Variants in CDK2 observed in about 807,000 individuals in gnomAD.
CDK2 encodes the protein cyclin-dependent kinase 2.
In CDK2, 8 loss-of-function variants were observed where a neutral mutation model predicts 35.0. The observed-to-expected ratio is 0.23, with a 90% CI of 0.13 to 0.41. The LOEUF is 0.41. Ranked by LOEUF, CDK2 falls within the 10% of genes least tolerant of loss-of-function variation. The pLI is 1.00. For missense variants in CDK2, 201 were observed against 367.1 expected (o/e 0.55, Z 3.70); for synonymous variants, 134 against 137.7 (o/e 0.97, Z 0.19).
chr12:55,968,939 C>A lies in CDK2; in HGVS notation c.477C>A (p.Tyr159Ter). The A allele has an allele frequency of 1.3e-6, 2 of 1,597,830 alleles. No individual in the cohort carries two copies. The highest frequency in any genetic ancestry group is 8.5e-7 in the Non-Finnish European group (1 of 1,173,206). ...ARAFGVPVRT[Y>*]THEVVTLWYR... ...CTTTTGGAGTCCCTGTTCGTACTTA[C>A]ACCCATGAGGTGAGTCCCTTTATGT... Residue 159 changes from tyrosine to a stop codon, truncating the protein, a stop_gained, in exon 4 of 7, where the codon TAC becomes TAA. Coordinates refer to ENST00000266970, the MANE Select transcript of CDK2 (RefSeq NM_001798.5). LOFTEE classifies it high-confidence loss of function.
At chr12:55,969,606 C>G in intron 5 of CDK2, 30 bp downstream of exon 5, 1 of 1,296,336 alleles carries the variant, frequency 7.7e-7, no homozygotes, top group Admixed American at 1.8e-5. Flanking sequence ...TTCCACCCAG[C>G]CCCCTCCCTC....
At chr12:55,971,268 TC>T (rs1565782142) in intron 6 of CDK2, 21 bp downstream of exon 6, 24 of 1,607,854 alleles carry the variant, frequency 1.5e-5, no homozygotes, top group Non-Finnish European at 2.0e-5. Context: ...GCACCTGTTT[TC>T]CCTCATTCAT....
At chr12:55,970,998 C>T (rs928725760) in intron 5 of CDK2, 46 bp from the exon 6 acceptor site, 1 of 1,548,470 alleles carries the variant, frequency 6.5e-7, no homozygotes, top group African/African-American at 1.4e-5. Flanking sequence ...AGAGTTTTGA[C>T]TGACGTCAAC....
Position 55,972,635 on chromosome 12 carries a change from A to T in CDK2, c.*1010A>T, listed in dbSNP as rs868228798. On this transcript the variant is annotated 3_prime_UTR_variant, in exon 7 of 7. Transcript: ENST00000266970. ...AGTGGGTGGATTTGTTGCCATGTGC[A>T]CCTTGGGGTTTTGTAATGACAGTGC... The T allele has an allele frequency of 1.1e-4, 14 of 132,010 alleles. No individual in the cohort carries two copies. The South Asian group carries it at 2.1e-3, about 20-fold the overall frequency. The allele number at this position is 132,010 out of a possible 1,614,324, so 8.2% of individuals were successfully genotyped here. A position where few individuals can be genotyped will look rare whatever the true frequency, so the allele number is the denominator to read the frequency against.
chr12:55,969,421 G>A (rs762137473), intron 4 of CDK2, 54 bp from the exon 5 acceptor site: 2 of 922,906 alleles, frequency 2.2e-6, no homozygotes, highest in African/African-American at 1.7e-5. Context: ...ACTGAGATGC[G>A]GGAATTTCCA....
chr12:55,971,097 G>A lies in CDK2; in HGVS notation c.642G>A (p.Arg214=), dbSNP rs1313837631. The A allele has an allele frequency of 6.2e-7, 1 of 1,614,138 alleles. No individual in the cohort carries two copies. Among genetic ancestry groups the A allele is most frequent in the East Asian group, 2.2e-5 (1 of 44,886 alleles). The change falls in exon 6 of 7, where the codon CGG becomes CGA. Residue 214 remains arginine (R), a synonymous_variant. Coordinates refer to ENST00000266970, the MANE Select transcript of CDK2 (RefSeq NM_001798.5). ...ATTCTGAGATTGACCAGCTCTTCCG[G>A]ATCTTTCGGACTCTGGGGACCCCAG... ...PGDSEIDQLF[R]IFRTLGTPDE...
Position 55,971,607 on chromosome 12 carries a change from A to G in CDK2, c.879A>G (p.Val293=). The G allele has an allele frequency of 6.2e-7, 1 of 1,613,488 alleles. No homozygotes were observed. Among genetic ancestry groups the G allele is most frequent in the South Asian group, 1.1e-5 (1 of 91,078 alleles). The change falls in exon 7 of 7, where the codon GTA becomes GTG. Residue 293 remains valine (V), a synonymous_variant. Coordinates refer to ENST00000266970, the MANE Select transcript of CDK2 (RefSeq NM_001798.5). ...TCTTCCAGGATGTGACCAAGCCAGT[A>G]CCCCATCTTCGACTCTGATAGCCTT... The part of the protein sequence containing the change: ...HPFFQDVTKP[V]PHLRL
chr12:55,971,437 C>CT, intron 6 of CDK2, 84 bp from the exon 7 acceptor site: 1 of 1,200,466 alleles, frequency 8.3e-7, no homozygotes. Flanking sequence ...AGAAGGAGTT[C>CT]TGGTTTCCTG....
At chr12:55,968,202 G>T (rs1889384769) in intron 3 of CDK2, 33 bp downstream of exon 3, 2 of 1,611,688 alleles carry the variant, frequency 1.2e-6, no homozygotes, top group Non-Finnish European at 8.5e-7. Flanking sequence ...CTCATCATGG[G>T]CATGTCTTGG....
intron 1 of CDK2, chr12:55,967,371 T>G (rs1889351857): frequency 1.9e-6 from 1 of 529,814 alleles, no homozygotes; most frequent in African/African-American, 1.9e-5. Flanking sequence ...TGCCCCCAAA[T>G]GTGCGACTAC....
chr12:55,967,305 A>T, intron 1 of CDK2, 181 bp downstream of exon 1: 1 of 587,316 alleles, frequency 1.7e-6, no homozygotes, highest in East Asian at 2.8e-5. Context: ...CCCTGGGGAG[A>T]GTATAGGGTG....
At chr12:55,971,378 C>A in intron 6 of CDK2, 131 bp downstream of exon 6, 1 of 1,083,984 alleles carries the variant, frequency 9.2e-7, no homozygotes, top group Non-Finnish European at 1.4e-6. Flanking sequence ...TCCCTGTTGG[C>A]ACACTGATTC....
At chr12:55,969,428 T>A in intron 4 of CDK2, 47 bp from the exon 5 acceptor site, 1 of 1,046,906 alleles carries the variant, frequency 9.6e-7, no homozygotes, top group Non-Finnish European at 1.5e-6. Flanking sequence ...TGCGGGAATT[T>A]CCATACCCTA....
chr12:55,968,090 T>G lies in CDK2; in HGVS notation c.236T>G (p.Val79Gly), dbSNP rs369617221. 1.2e-5 allele frequency: 20 copies of G among 1,613,946 alleles called. No individual in the cohort carries two copies. Among genetic ancestry groups the G allele is most frequent in the African/African-American group, 6.7e-5 (5 of 74,892 alleles). The change falls in exon 3 of 7, where the codon GTT (valine) becomes GGT (glycine). Residue 79 changes from valine (V) to glycine (G), a missense_variant. Coordinates refer to ENST00000266970, the MANE Select transcript of CDK2 (RefSeq NM_001798.5). ...VIHTENKLYL[V>G]FEFLHQDLKK... The stretch of plus-strand genomic sequence containing the variant: ...CACACAGAAAATAAACTCTACCTGG[T>G]TTTTGAATTTCTGCACCAAGATCTC...
intron 1 of CDK2, 90 bp from the exon 2 acceptor site, chr12:55,967,767 G>C: frequency 9.5e-7 from 1 of 1,053,194 alleles, no homozygotes; most frequent in Non-Finnish European, 1.5e-6. Flanking sequence ...GTGCTGGGTG[G>C]TGTCTCCTTG....
rs1889323724 is a variant in CDK2 at position 55,966,831 on chromosome 12, T to C, written c.-178T>C. Reference sequence around the variant, plus strand: ...GGGAACTCGGTGGGAGGCGGCAACATTGTTTCAAGTTGGCCAAATTGACAA... The same window carrying C: ...GGGAACTCGGTGGGAGGCGGCAACACTGTTTCAAGTTGGCCAAATTGACAA... On this transcript the variant is annotated 5_prime_UTR_variant, in exon 1 of 7. Transcript: ENST00000266970. The C allele has an allele frequency of 2.3e-6, 2 of 877,378 alleles. No homozygotes were observed. The highest frequency in any genetic ancestry group is 3.1e-5 in the Admixed American group (1 of 32,214). 54.3% of individuals were successfully genotyped at this position (877,378 alleles called of 1,614,324 possible).
intron 1 of CDK2, 158 bp downstream of exon 1, chr12:55,967,282 GTATACT>G: frequency 1.6e-6 from 1 of 634,912 alleles, no homozygotes; most frequent in Non-Finnish European, 2.8e-6. Flanking sequence ...AAGGTGAAGA[GTATACT>G]TATACTCCCT....
rs1339741740 is a variant in CDK2, at chr12:55,966,975, C to T, written c.-34C>T. ...TCTGCAGGGTTCCCAGGCCCCCGCT[C>T]CAGGGCCGGGCTGACCCGACTCGCT... On this transcript the variant is annotated 5_prime_UTR_variant, in exon 1 of 7. Coordinates refer to ENST00000266970, the MANE Select transcript of CDK2 (RefSeq NM_001798.5). 1.3e-6 allele frequency: 2 copies of T among 1,552,518 alleles called. No homozygotes were observed. The highest frequency in any genetic ancestry group is 2.7e-5 in the African/African-American group (2 of 73,728).
chr12:55,968,380 G>A (rs1592782932), intron 3 of CDK2: 3 of 556,574 alleles, frequency 5.4e-6, no homozygotes, highest in Non-Finnish European at 9.4e-6. Flanking sequence ...ACTCTAGTGA[G>A]TCAACCTAGC....
Sources: allele counts gnomAD v4.1 joint callset, GRCh38; gene constraint gnomAD v4.1.1; transcripts MANE v1.5; gene names NCBI Gene and HGNC (gene_info 2026-07-23, HGNC 2026-07-21).